Variants in SDC1 observed in about 807,000 individuals in gnomAD.
The protein encoded by SDC1 is syndecan 1, also known as syndecan-1.
SDC1 carries 14 observed loss-of-function variants against 29.7 expected under a neutral mutation model. That is an observed-to-expected ratio of 0.47 (90% CI 0.31 to 0.74). The LOEUF (loss-of-function observed/expected upper bound fraction) is 0.74. Among genes scored for constraint, SDC1 ranks in the 30% least tolerant of loss-of-function variants. The pLI, the probability that SDC1 is intolerant of heterozygous loss-of-function variation, is 0.05. For missense variants in SDC1, 406 were observed against 400.3 expected, an observed-to-expected ratio of 1.01 and a Z score of -0.12; for synonymous variants, 204 against 175.5, an observed-to-expected ratio of 1.16 and a Z score of -1.29.
rs1411801209 is a variant in SDC1, at chr2:20,202,660, G to A, written c.*106C>T. 4.5e-6 allele frequency: 5 copies of A among 1,113,098 alleles called. No homozygotes were observed. The highest frequency in any genetic ancestry group is 6.5e-6 in the Non-Finnish European group (5 of 769,570). 69.0% of individuals were successfully genotyped at this position (1,113,098 alleles called of 1,614,324 possible). On this transcript the variant is annotated 3_prime_UTR_variant, in exon 5 of 5. Coordinates refer to ENST00000254351, the MANE Select transcript of SDC1 (RefSeq NM_002997.5). ...AGCGACCAGAGGGGCTGGAATGCTGGGGAGGTGGCCTGGTGGCAGGGGAGG... is the reference window on the plus strand; with the variant it reads ...AGCGACCAGAGGGGCTGGAATGCTGAGGAGGTGGCCTGGTGGCAGGGGAGG...
intron 1 of SDC1, among the ~76,000 whole-genome samples, chr2:20,213,041 C>T (rs1014667273): frequency 6.6e-6 from 1 of 152,208 alleles, no homozygotes; most frequent in Non-Finnish European, 1.5e-5. Flanking sequence ...CTGCACCGCA[C>T]TGCCTGCTCA....
intron 1 of SDC1, among the ~76,000 whole-genome samples, chr2:20,212,063 A>G (rs1013895120): frequency 6.6e-6 from 1 of 151,842 alleles, no homozygotes; most frequent in Non-Finnish European, 1.5e-5. Flanking sequence ...GGCTTGGTGG[A>G]TAACGCTAAA....
chr2:20,202,995 C>A (rs1677084699), intron 4 of SDC1, 60 bp from the exon 5 acceptor site: 2 of 1,568,046 alleles, frequency 1.3e-6, no homozygotes, highest in Admixed American at 3.5e-5. Flanking sequence ...GCTGCAGACC[C>A]TCCCCAAAGC....
intron 1 of SDC1, among the ~76,000 whole-genome samples, chr2:20,213,273 T>TC (rs1376162080): frequency 2.6e-5 from 4 of 151,524 alleles, no homozygotes; most frequent in African/African-American, 7.3e-5. Context: ...TCCTCTGCTT[T>TC]CCCCCCCTGG....
At chr2:20,217,024 G>A (rs1677647601) in intron 1 of SDC1, among the ~76,000 whole-genome samples, 1 of 152,202 alleles carries the variant, frequency 6.6e-6, no homozygotes, top group Admixed American at 6.5e-5. Flanking sequence ...TCCTAGAGCA[G>A]GACTGGCAGC....
intron 1 of SDC1, among the ~76,000 whole-genome samples, chr2:20,216,907 G>C (rs929409328): frequency 3.9e-5 from 6 of 152,238 alleles, no homozygotes; most frequent in Non-Finnish European, 7.3e-5. Context: ...AAGATCCACA[G>C]AGAGAGCCAG....
intron 1 of SDC1, among the ~76,000 whole-genome samples, chr2:20,210,408 AG>A (rs1379771506): frequency 6.6e-6 from 1 of 152,220 alleles, no homozygotes; most frequent in Non-Finnish European, 1.5e-5. Context: ...GGATTTAAAA[AG>A]GGGGAGCTTC....
rs1483306966 is a variant in SDC1 at position 20,201,071 on chromosome 2, A to C, written c.*1695T>G. The C allele has an allele frequency of 6.6e-6, 1 of 152,238 alleles. No homozygotes were observed. The highest frequency in any genetic ancestry group is 1.5e-5 in the Non-Finnish European group (1 of 68,062). The allele number at this position is 152,238 out of a possible 1,614,324, so 9.4% of individuals were successfully genotyped here. A position where few individuals can be genotyped will look rare whatever the true frequency, so the allele number is the denominator to read the frequency against. Reference sequence around the variant, plus strand: ...TGAAACGTTGTCAAATAAGCAAGTAAGTGCAGGAGCCCTGGGCTGGGGGCC... The same window carrying C: ...TGAAACGTTGTCAAATAAGCAAGTACGTGCAGGAGCCCTGGGCTGGGGGCC... On this transcript the variant is annotated 3_prime_UTR_variant, in exon 5 of 5. Transcript: ENST00000254351.
rs1677009812 is a variant in SDC1 at position 20,201,573 on chromosome 2, C to G, written c.*1193G>C. On this transcript the variant is annotated 3_prime_UTR_variant, in exon 5 of 5. Transcript: ENST00000254351. ...CCCATTGGATTAAGTAGAGTTTTGC[C>G]AAAAGCAAAAGACTATCACTCTTTG... 1 of 152,648 alleles carries G rather than the reference C, an allele frequency of 6.6e-6. No individual in the cohort carries two copies. Among genetic ancestry groups the G allele is most frequent in the Non-Finnish European group, 1.5e-5 (1 of 68,044 alleles). 9.5% of individuals were successfully genotyped at this position (152,648 alleles called of 1,614,324 possible). A position where few individuals can be genotyped will look rare whatever the true frequency, so the allele number is the denominator to read the frequency against.
chr2:20,212,475 A>T (rs545795540), intron 1 of SDC1, among the ~76,000 whole-genome samples: 6 of 152,310 alleles, frequency 3.9e-5, no homozygotes, highest in Non-Finnish European at 8.8e-5. Context: ...CGAACTCAGG[A>T]GCCGGGAAAA....
intron 1 of SDC1, among the ~76,000 whole-genome samples, chr2:20,206,668 G>C (rs1370386559): frequency 6.6e-6 from 1 of 152,206 alleles, no homozygotes; most frequent in Admixed American, 6.5e-5. Context: ...GCACAGTCCA[G>C]AGCACTAGCT....
chr2:20,218,117 C>T (rs1288910107), intron 1 of SDC1, among the ~76,000 whole-genome samples: 1 of 152,238 alleles, frequency 6.6e-6, no homozygotes, highest in Non-Finnish European at 1.5e-5. Flanking sequence ...TAAGGTCTCT[C>T]TGTAACCATG....
At chr2:20,218,509 C>A (rs1210677555) in intron 1 of SDC1, among the ~76,000 whole-genome samples, 4 of 151,850 alleles carry the variant, frequency 2.6e-5, no homozygotes, top group Non-Finnish European at 5.9e-5. Context: ...GCAGTAAGCA[C>A]CCCCCCACCA....
chr2:20,207,689 C>T (rs2148285558), intron 1 of SDC1, among the ~76,000 whole-genome samples: 1 of 152,300 alleles, frequency 6.6e-6, no homozygotes, highest in South Asian at 2.1e-4. Flanking sequence ...CTGCGTGACA[C>T]AGCAAGACTC....
chr2:20,218,889 C>T (rs1002820035), intron 1 of SDC1, among the ~76,000 whole-genome samples: 2 of 152,084 alleles, frequency 1.3e-5, no homozygotes, highest in African/African-American at 4.8e-5. Flanking sequence ...AATCACTAGG[C>T]AGAGAGTTTT....
intron 1 of SDC1, among the ~76,000 whole-genome samples, chr2:20,214,187 A>G (rs1677563082): frequency 6.6e-6 from 1 of 152,202 alleles, no homozygotes; most frequent in South Asian, 2.1e-4. Context: ...CATACCCAGG[A>G]AAGGAGGAAG....
intron 1 of SDC1, chr2:20,208,250 AG>A (rs1677345525): frequency 3.6e-6 from 1 of 279,622 alleles, no homozygotes; most frequent in South Asian, 1.3e-4. Flanking sequence ...TCCCAAGAGC[AG>A]GGCTTTCCTC....
chr2:20,223,208 A>T (rs1253833581), intron 1 of SDC1: 1 of 1,289,366 alleles, frequency 7.8e-7, no homozygotes, highest in Non-Finnish European at 1.0e-6. Context: ...GTCACCTGGG[A>T]AGCAGGGAGG....
At chr2:20,213,966 C>T (rs535482369) in intron 1 of SDC1, among the ~76,000 whole-genome samples, 1 of 152,320 alleles carries the variant, frequency 6.6e-6, no homozygotes, top group Admixed American at 6.5e-5. Context: ...CACAATATCC[C>T]TTTGAAAACA....
Sources: gnomAD v4.1 joint callset for allele counts (sites outside exome capture counted in the v4.1 genomes callset) on GRCh38, gnomAD v4.1.1 for gene constraint, MANE v1.5 for transcripts, NCBI Gene and HGNC (gene_info 2026-07-23, HGNC 2026-07-21) for gene names.